The following ITIH2 variants were observed in gnomAD, a reference collection of about 807,000 sequenced individuals.
The protein encoded by ITIH2 is inter-alpha-trypsin inhibitor heavy chain H2.
In ITIH2, 103 loss-of-function variants were observed where a neutral mutation model predicts 104.4. The ratio of observed to expected loss-of-function variants is 0.99; its 90% CI spans 0.84 to 1.16. ITIH2 has a LOEUF of 1.16. ITIH2 is among the 50% of genes most tolerant of loss of function. The pLI is 0.00. For missense variants in ITIH2, 1,108 were observed against 1,162.4 expected (o/e 0.95, Z 0.68); for synonymous variants, 436 against 435.4 (o/e 1.00, Z -0.02).
At chr10:7,718,408 C>A (rs942052347) in intron 6 of ITIH2, among the ~76,000 whole-genome samples, 1 of 152,152 alleles carries the variant, frequency 6.6e-6, no homozygotes, top group Non-Finnish European at 1.5e-5. Context: ...TTGGGCGCAT[C>A]TTTAGGGGGG....
rs578195642 is a variant in ITIH2, at chr10:7,722,013, C to T, written c.867+236C>T. On this transcript the variant is annotated intron_variant, in intron 8 of 20. Transcript: ENST00000358415. ...GTCCCAGGAGGGCATTCCTGGGCCT[C>T]ATGTGAAGAACAAAGGAATAATTAC... Among the ~76,000 whole-genome samples, 19 of 152,166 alleles carry T rather than the reference C, an allele frequency of 1.2e-4. 1 individual carries two copies. The South Asian group carries it at 2.9e-3, about 23-fold the overall frequency.
rs778311484 is a variant in ITIH2, at chr10:7,709,021, G to C, written c.193-1G>C. ...CAGTTATGCTTTCTTGCCAATTTCA[G>C]GAAGAGGTTGATCAAGTAACTCTTT... On this transcript the variant is annotated splice_acceptor_variant, in intron 3 of 20. Transcript: ENST00000358415. LOFTEE classifies it high-confidence loss of function. The C allele has an allele frequency of 2.5e-6, 4 of 1,613,412 alleles. No homozygotes were observed. The South Asian group carries it at 3.3e-5, about 13-fold the overall frequency.
In ITIH2 at chr10:7,721,890, T is replaced by C. The variant is rs989844564; in HGVS notation, c.867+113T>C. 9.7e-6 allele frequency: 11 copies of C among 1,137,538 alleles called. No individual in the cohort carries two copies. The African/African-American group carries it at 1.7e-4, about 18-fold the overall frequency. The allele number at this position is 1,137,538 out of a possible 1,614,324, so 70.5% of individuals were successfully genotyped here. ...TTCTAGCTGCCAGGGCAAGTGTTTCTAGCTGCAGAGAAGGGACTAAAATCA... is the reference window on the plus strand; with the variant it reads ...TTCTAGCTGCCAGGGCAAGTGTTTCCAGCTGCAGAGAAGGGACTAAAATCA... On this transcript the variant is annotated intron_variant, in intron 8 of 20. Transcript: ENST00000358415.
rs1834926835 is a variant in ITIH2, at chr10:7,723,568, G to GT, written c.984+2dup. Reference sequence around the variant, plus strand: ...CATGTGGGGAGTTAAAATGAAACAAGTAAGTACCCCCTTGTTTGCAGTGGT... The same window carrying GT: ...CATGTGGGGAGTTAAAATGAAACAAGTTAAGTACCCCCTTGTTTGCAGTGGT... On this transcript the variant is annotated splice_donor_variant, in intron 9 of 20. Transcript: ENST00000358415. LOFTEE classifies it high-confidence loss of function. The GT allele has an allele frequency of 6.4e-7, 1 of 1,564,874 alleles. No individual in the cohort carries two copies. Among genetic ancestry groups the GT allele is most frequent in the African/African-American group, 1.4e-5 (1 of 73,924 alleles).
intron 11 of ITIH2, among the ~76,000 whole-genome samples, chr10:7,728,259 G>A (rs3858256): frequency 0.34 from 52,403 of 152,000 alleles, 10,482 homozygotes; most frequent in African/African-American, 0.56. Flanking sequence ...CACTTCTCCC[G>A]GTTGCACCTG....
Position 7,747,559 on chromosome 10 carries a change from TTAA to T in ITIH2, c.2693+857_2693+859del, listed in dbSNP as rs369039897. Among the ~76,000 whole-genome samples, 527 of 152,234 alleles carry T rather than the reference TTAA, an allele frequency of 3.5e-3. 3 individuals are homozygous for T. Among genetic ancestry groups the T allele is most frequent in the Middle Eastern group, 0.02 (6 of 294 alleles). On this transcript the variant is annotated intron_variant, in intron 20 of 20. Coordinates refer to ENST00000358415, the MANE Select transcript of ITIH2 (RefSeq NM_002216.3). ...CAGAAGCAATGGTGAGCACAAATTATTAATGTTAATAGTAAGTTATCTGAAGTT... is the reference window on the plus strand; with the variant it reads ...CAGAAGCAATGGTGAGCACAAATTATTGTTAATAGTAAGTTATCTGAAGTT...
Position 7,713,050 on chromosome 10 carries a change from GT to G in ITIH2, c.363-130del. ...CAGGAGAATTGCTTGAACCCAGGAG[GT>G]GGAGGTTGCACTGAACTGAGATTGC... On this transcript the variant is annotated intron_variant, in intron 4 of 20. Transcript: ENST00000358415. 4.7e-6 allele frequency: 3 copies of G among 634,086 alleles called. No homozygotes were observed. The South Asian group carries it at 6.3e-5, about 13-fold the overall frequency. 39.3% of individuals were successfully genotyped at this position (634,086 alleles called of 1,614,324 possible).
intron 4 of ITIH2, among the ~76,000 whole-genome samples, chr10:7,712,849 G>A (rs529268099): frequency 1.1e-4 from 17 of 152,214 alleles, no homozygotes; most frequent in South Asian, 2.1e-4. Flanking sequence ...GGCCAGGCGC[G>A]GTGGCTCACA....
rs759507283 is a variant in ITIH2, at chr10:7,727,772, T to C, written c.1223T>C (p.Leu408Ser). The C allele has an allele frequency of 1.2e-6, 2 of 1,614,190 alleles. No individual in the cohort carries two copies. The highest frequency in any genetic ancestry group is 2.2e-5 in the East Asian group (1 of 44,886). Reference protein sequence around the residue: ...ILNEANNLGLLDPNSVSLIIL... With the variant: ...ILNEANNLGLSDPNSVSLIIL... ...AATGAAGCCAATAACTTGGGACTGT[T>C]AGACCCCAACTCCGTCTCGCTGATC... Residue 408 changes from leucine to serine, a missense_variant, in exon 11 of 21, where the codon TTA (leucine) becomes TCA (serine). Transcript: ENST00000358415.
chr10:7,744,305 G>T (rs1264814823), intron 18 of ITIH2, 25 bp downstream of exon 18: 1 of 1,591,282 alleles, frequency 6.3e-7, no homozygotes, highest in Non-Finnish European at 8.6e-7. Context: ...ATCTGAACTT[G>T]GGCCTGTCCG....
At chr10:7,709,857 GCTT>G (rs1834780223) in intron 4 of ITIH2, among the ~76,000 whole-genome samples, 1 of 152,018 alleles carries the variant, frequency 6.6e-6, no homozygotes, top group African/African-American at 2.4e-5. Context: ...TCTGAGCTTG[GCTT>G]CTTTTTTTTT....
rs532614781 is a variant in ITIH2, at chr10:7,727,046, G to T, written c.1081G>T (p.Asp361Tyr). Residue 361 changes from aspartate (D) to tyrosine (Y), a missense_variant, in exon 10 of 21, where the codon GAT becomes TAT. Transcript: ENST00000358415. The stretch of plus-strand genomic sequence containing the variant: ...CCAGAACATTCGAACTTGGAGAAAT[G>T]ATTTAATTTCAGCTACAAAAACACA... ...FNQNIRTWRN[D>Y]LISATKTQVA... 5.6e-6 allele frequency: 9 copies of T among 1,614,120 alleles called. No homozygotes were observed. The African/African-American group carries it at 1.2e-4, about 22-fold the overall frequency.
chr10:7,727,594 A>G, intron 10 of ITIH2, 109 bp from the exon 11 acceptor site: 1 of 1,302,350 alleles, frequency 7.7e-7, no homozygotes, highest in Non-Finnish European at 1.1e-6. Context: ...TTTGGCATGG[A>G]ATAAGTGATG....
intron 16 of ITIH2, among the ~76,000 whole-genome samples, chr10:7,739,945 G>A (rs540804749): frequency 6.6e-6 from 1 of 152,154 alleles, no homozygotes; most frequent in Non-Finnish European, 1.5e-5. Context: ...CAGCACTTTG[G>A]GAGGCCGAGG....
At position 7,737,561 on chromosome 10, in the gene ITIH2, A is replaced by T. The variant is rs574502417; in HGVS notation, c.1958-1060A>T. On this transcript the variant is annotated intron_variant, in intron 15 of 20. Coordinates refer to ENST00000358415, the MANE Select transcript of ITIH2 (RefSeq NM_002216.3). ...ATAATATATATTATGTATTCTATAT[A>T]ATATTATATATTAAATTCTATATTC... is the stretch of plus-strand genomic sequence containing the variant. 2.7e-4 allele frequency among the ~76,000 whole-genome samples: 31 copies of T among 113,536 alleles called. 1 individual carries two copies. Among genetic ancestry groups the T allele is most frequent in the African/African-American group, 9.8e-4 (30 of 30,472 alleles). The allele number at this position is 113,536 out of a possible 152,430, so 74.5% of individuals were successfully genotyped here.
intron 15 of ITIH2, among the ~76,000 whole-genome samples, chr10:7,737,591 T>G (rs1260443077): frequency 1.6e-5 from 2 of 128,860 alleles, no homozygotes; most frequent in African/African-American, 6.1e-5. Flanking sequence ...ATATTCTATA[T>G]TATATTCTAT....
At chr10:7,726,393 C>T (rs7913729) in intron 9 of ITIH2, among the ~76,000 whole-genome samples, 11,249 of 152,150 alleles carry the variant, frequency 0.074, 587 homozygotes, top group African/African-American at 0.15. Flanking sequence ...GATGGGTTTG[C>T]ATTAGGTAGA....
intron 5 of ITIH2, among the ~76,000 whole-genome samples, chr10:7,715,307 G>A (rs1219124816): frequency 6.6e-6 from 1 of 152,102 alleles, no homozygotes; most frequent in African/African-American, 2.4e-5. Context: ...TGTAATCCCA[G>A]CTACTCAGGA....
In ITIH2 at chr10:7,705,119, T is replaced by C. The variant is rs758034410; in HGVS notation, c.96T>C (p.Tyr32=). ...PINGLSEFVD[Y]EDLVELAPGK... ...TAATTTTTTTTAAGTTTGTAGACTA[T>C]GAAGATCTTGTGGAACTGGCCCCAG... The change falls in exon 2 of 21, where the codon TAT becomes TAC. Residue 32 remains tyrosine (Y), a synonymous_variant. Transcript: ENST00000358415. 3.7e-6 allele frequency: 6 copies of C among 1,609,810 alleles called. No homozygotes were observed. The highest frequency in any genetic ancestry group is 5.1e-6 in the Non-Finnish European group (6 of 1,176,934).
Sources: allele counts gnomAD v4.1 joint callset (sites outside exome capture counted in the v4.1 genomes callset), GRCh38; gene constraint gnomAD v4.1.1; transcripts MANE v1.5; gene names NCBI Gene and HGNC (gene_info 2026-07-23, HGNC 2026-07-21).